Variants in MACROD2 observed in about 807,000 individuals in gnomAD.
The protein encoded by MACROD2 is mono-ADP ribosylhydrolase 2, also known as ADP-ribose glycohydrolase MACROD2.
MACROD2 carries 36 observed loss-of-function variants against 70.4 expected under a neutral mutation model. The ratio of observed to expected loss-of-function variants is 0.51; its 90% CI spans 0.39 to 0.68. MACROD2 has a LOEUF of 0.68. MACROD2 is among the 30% of genes least tolerant of loss of function. MACROD2 has a pLI of 0.00. For synonymous variants in MACROD2, 172 were observed against 178.8 expected, an observed-to-expected ratio of 0.96 and a Z score of 0.30; for missense variants, 496 against 538.4, an observed-to-expected ratio of 0.92 and a Z score of 0.78.
intron 8 of MACROD2, among the ~76,000 whole-genome samples, chr20:15,510,548 C>T (rs748011339): frequency 4.6e-5 from 7 of 152,142 alleles, no homozygotes; most frequent in East Asian, 1.9e-4. Context: ...CTGCTGTTTC[C>T]GATAGAAGCT....
intron 5 of MACROD2, among the ~76,000 whole-genome samples, chr20:14,797,172 T>C (rs927465901): frequency 2.0e-5 from 3 of 152,040 alleles, no homozygotes; most frequent in Non-Finnish European, 2.9e-5. Flanking sequence ...CAAACTACCA[T>C]CACTATTCAC....
chr20:15,457,187 A>T (rs2046740687), intron 7 of MACROD2, among the ~76,000 whole-genome samples: 1 of 151,814 alleles, frequency 6.6e-6, no homozygotes, highest in South Asian at 2.1e-4. Context: ...CTAGTGCTCA[A>T]ATTGTTTCTT....
At chr20:15,322,983 G>C (rs1388082018) in intron 6 of MACROD2, among the ~76,000 whole-genome samples, 3 of 143,768 alleles carry the variant, frequency 2.1e-5, no homozygotes, top group Admixed American at 7.0e-5. Flanking sequence ...TGAGCCCTGT[G>C]GTTGTGGCTA....
At chr20:14,623,861 A>C (rs1400766285) in intron 4 of MACROD2, among the ~76,000 whole-genome samples, 1 of 152,230 alleles carries the variant, frequency 6.6e-6, no homozygotes, top group Non-Finnish European at 1.5e-5. Flanking sequence ...AAACTCAACC[A>C]GGCTTCAAGT....
At chr20:15,463,955 C>T (rs184462200) in intron 7 of MACROD2, among the ~76,000 whole-genome samples, 69 of 152,218 alleles carry the variant, frequency 4.5e-4, no homozygotes, top group Admixed American at 1.2e-3. Flanking sequence ...ATCCTAGTCC[C>T]TTCTATGATT....
chr20:14,832,631 T>C (rs1463691388), intron 5 of MACROD2, among the ~76,000 whole-genome samples: 2 of 152,154 alleles, frequency 1.3e-5, no homozygotes, highest in East Asian at 1.9e-4. Context: ...CCCCAAGAGA[T>C]TGTAAATACA....
At chr20:15,785,138 C>A (rs1326424916) in intron 8 of MACROD2, among the ~76,000 whole-genome samples, 1 of 131,564 alleles carries the variant, frequency 7.6e-6, no homozygotes, top group Non-Finnish European at 1.5e-5. Context: ...GGTGACAGAG[C>A]GAGACTCCGT....
intron 3 of MACROD2, among the ~76,000 whole-genome samples, chr20:14,335,564 T>C (rs535399835): frequency 1.9e-4 from 29 of 152,348 alleles, no homozygotes; most frequent in Non-Finnish European, 3.2e-4. Flanking sequence ...TCCAATTATA[T>C]ATCTCACAAA....
intron 5 of MACROD2, among the ~76,000 whole-genome samples, chr20:15,030,662 TAGAC>T (rs1460195967): frequency 1.4e-5 from 2 of 144,510 alleles, no homozygotes; most frequent in Non-Finnish European, 2.9e-5. Flanking sequence ...TATAGATAGA[TAGAC>T]AGATAGATAG....
chr20:15,810,206 A>G (rs2063806371), intron 8 of MACROD2, among the ~76,000 whole-genome samples: 1 of 151,768 alleles, frequency 6.6e-6, no homozygotes, highest in South Asian at 2.1e-4. Context: ...ATCATTTTTT[A>G]TGGCTGCATA....
At chr20:15,118,249 G>A (rs569141039) in intron 5 of MACROD2, among the ~76,000 whole-genome samples, 1 of 148,312 alleles carries the variant, frequency 6.7e-6, no homozygotes, top group Middle Eastern at 3.3e-3. Flanking sequence ...CTGGAGTGCA[G>A]TGTTGTGATC....
At chr20:14,936,413 A>C (rs2074340840) in intron 5 of MACROD2, among the ~76,000 whole-genome samples, 1 of 152,190 alleles carries the variant, frequency 6.6e-6, no homozygotes, top group African/African-American at 2.4e-5. Flanking sequence ...TAGGTCCCAT[A>C]AACTACCTCT....
chr20:14,951,134 A>T (rs168481), intron 5 of MACROD2, among the ~76,000 whole-genome samples: 10 of 151,706 alleles, frequency 6.6e-5, no homozygotes, highest in African/African-American at 2.2e-4. Flanking sequence ...GGTTAGAGCC[A>T]TGGTTTACTG....
At chr20:14,691,568 T>C (rs531682309) in intron 5 of MACROD2, among the ~76,000 whole-genome samples, 36 of 152,328 alleles carry the variant, frequency 2.4e-4, no homozygotes, top group Middle Eastern at 3.4e-3. Context: ...TCTTTGTTCC[T>C]TGTTTCCTCC....
chr20:14,321,829 T>C lies in MACROD2; in HGVS notation c.272-171650T>C, dbSNP rs539260532. On this transcript the variant is annotated intron_variant, in intron 3 of 17. Transcript: ENST00000684519. ...TTAATAAATCGGCCTTCCTGTAAGA[T>C]AGAGCACAGTGTCATTTTTAATAGG... 3.1e-3 allele frequency among the ~76,000 whole-genome samples: 467 copies of C among 152,294 alleles called. 2 individuals carry two copies. Among genetic ancestry groups the C allele is most frequent in the South Asian group, 9.7e-3 (47 of 4,826 alleles).
intron 5 of MACROD2, among the ~76,000 whole-genome samples, chr20:14,809,577 C>T: frequency 6.6e-6 from 1 of 151,702 alleles, no homozygotes; most frequent in Non-Finnish European, 1.5e-5. Context: ...CAAGAAATAA[C>T]CAAGATCAGA....
intron 8 of MACROD2, among the ~76,000 whole-genome samples, chr20:15,830,028 G>C (rs1192100618): frequency 6.6e-6 from 1 of 152,182 alleles, no homozygotes; most frequent in Admixed American, 6.5e-5. Flanking sequence ...TGTATGAACA[G>C]AACGGAGGAC....
chr20:14,788,772 T>TG (rs2072408363), intron 5 of MACROD2, among the ~76,000 whole-genome samples: 5 of 139,936 alleles, frequency 3.6e-5, no homozygotes, highest in Admixed American at 3.5e-4. Flanking sequence ...TGTTTTTTTT[T>TG]TTTTTTTTTT....
intron 8 of MACROD2, among the ~76,000 whole-genome samples, chr20:15,746,562 TA>T (rs536288457): frequency 0.013 from 1,415 of 107,066 alleles, 7 homozygotes; most frequent in Middle Eastern, 0.028. Flanking sequence ...TGGTTTCCAG[TA>T]AAAAAAAAAA....
Sources: allele counts gnomAD v4.1 joint callset (sites outside exome capture counted in the v4.1 genomes callset), GRCh38; gene constraint gnomAD v4.1.1; transcripts MANE v1.5; gene names NCBI Gene and HGNC (gene_info 2026-07-23, HGNC 2026-07-21).